The following FOXN3 variants were observed in gnomAD, a reference collection of about 807,000 sequenced individuals.
FOXN3 encodes forkhead box N3, also known as forkhead box protein N3.
Under a neutral mutation model 38.4 loss-of-function variants are expected in FOXN3, and 7 were observed. That is an observed-to-expected ratio of 0.18 (90% CI 0.10 to 0.34). FOXN3 has a LOEUF of 0.34. Ranked by LOEUF, FOXN3 falls within the 10% of genes least tolerant of loss-of-function variation. The probability of loss-of-function intolerance (pLI) is 1.00; values close to 1 mark genes in which losing one functional copy is unlikely to be tolerated. For synonymous variants in FOXN3, 230 were observed against 242.2 expected (o/e 0.95, Z 0.47); for missense variants, 456 against 613.4 (o/e 0.74, Z 2.71).
intron 1 of FOXN3, among the ~76,000 whole-genome samples, chr14:89,480,388 A>G (rs1893301967): frequency 6.8e-6 from 1 of 148,094 alleles, no homozygotes; most frequent in Admixed American, 6.9e-5. Flanking sequence ...GGGCAAGAAG[A>G]GCAAAACTCT....
chr14:89,262,307 G>A (rs557272727), intron 4 of FOXN3, among the ~76,000 whole-genome samples: 1 of 152,150 alleles, frequency 6.6e-6, no homozygotes, highest in East Asian at 1.9e-4. Context: ...AAACCTCCTC[G>A]TTCTAAAATG....
chr14:89,320,878 G>A (rs1887876035), intron 3 of FOXN3, among the ~76,000 whole-genome samples: 2 of 152,176 alleles, frequency 1.3e-5, no homozygotes, highest in South Asian at 4.1e-4. Context: ...AACACAAACG[G>A]CAGACAGCAT....
intron 5 of FOXN3, among the ~76,000 whole-genome samples, chr14:89,166,266 A>G (rs1387007168): frequency 1.3e-5 from 2 of 152,214 alleles, no homozygotes; most frequent in East Asian, 1.9e-4. Flanking sequence ...CAGGGAGATT[A>G]GCAGCATTAA....
intron 1 of FOXN3, among the ~76,000 whole-genome samples, chr14:89,560,896 C>T (rs1229716365): frequency 6.6e-6 from 1 of 152,128 alleles, no homozygotes; most frequent in Non-Finnish European, 1.5e-5. Context: ...AGATATAGCC[C>T]CAGTAGAGGT....
intron 4 of FOXN3, among the ~76,000 whole-genome samples, chr14:89,204,323 C>T: frequency 6.6e-6 from 1 of 152,110 alleles, no homozygotes; most frequent in Non-Finnish European, 1.5e-5. Flanking sequence ...GCTGGGCTGC[C>T]CTCCTCAGCT....
intron 5 of FOXN3, among the ~76,000 whole-genome samples, chr14:89,179,021 A>G (rs1887596685): frequency 6.6e-6 from 1 of 152,246 alleles, no homozygotes; most frequent in African/African-American, 2.4e-5. Flanking sequence ...AGAATGAAAA[A>G]CAGAGTATGT....
At chr14:89,425,827 G>C (rs1277834272) in intron 1 of FOXN3, among the ~76,000 whole-genome samples, 1 of 152,096 alleles carries the variant, frequency 6.6e-6, no homozygotes, top group Non-Finnish European at 1.5e-5. Flanking sequence ...TAATTTTACT[G>C]ATATATTATC....
At chr14:89,438,845 C>T (rs1380182489) in intron 1 of FOXN3, among the ~76,000 whole-genome samples, 2 of 151,970 alleles carry the variant, frequency 1.3e-5, no homozygotes, top group East Asian at 3.9e-4. Context: ...CCCACTGCAA[C>T]CTCCGCCTCC....
intron 3 of FOXN3, among the ~76,000 whole-genome samples, chr14:89,345,111 C>T (rs1280996003): frequency 1.3e-5 from 2 of 152,142 alleles, no homozygotes; most frequent in Admixed American, 6.6e-5. Context: ...CTACAAAGCA[C>T]AGTGGAGTGC....
At chr14:89,199,051 A>G (rs530692622) in intron 4 of FOXN3, among the ~76,000 whole-genome samples, 5 of 152,380 alleles carry the variant, frequency 3.3e-5, no homozygotes, top group East Asian at 1.9e-4. Context: ...CAAGATATCT[A>G]TAACAGCCGC....
intron 1 of FOXN3, among the ~76,000 whole-genome samples, chr14:89,413,475 A>T (rs904644815): frequency 6.6e-6 from 1 of 151,954 alleles, no homozygotes; most frequent in African/African-American, 2.4e-5. Flanking sequence ...CTCTATGAAA[A>T]ATACAAAAAT....
At chr14:89,540,345 G>C (rs1479871899) in intron 1 of FOXN3, among the ~76,000 whole-genome samples, 1 of 152,140 alleles carries the variant, frequency 6.6e-6, no homozygotes, top group Non-Finnish European at 1.5e-5. Context: ...GCTTAACATA[G>C]ACCTAAAACT....
In FOXN3 at chr14:89,156,560, G is replaced by GGTCT. The variant is rs1886984581; in HGVS notation, c.*5850_*5853dup. 6.6e-6 allele frequency: 1 copy of GGTCT among 151,602 alleles called. No homozygotes were observed. The highest frequency in any genetic ancestry group is 1.5e-5 in the Non-Finnish European group (1 of 67,966). 9.4% of individuals were successfully genotyped at this position (151,602 alleles called of 1,614,324 possible). A position where few individuals can be genotyped will look rare whatever the true frequency, so the allele number is the denominator to read the frequency against. On this transcript the variant is annotated 3_prime_UTR_variant, in exon 6 of 6. Transcript: ENST00000557258. The stretch of plus-strand genomic sequence containing the variant: ...TCTCGTAAATTAATTTGGCCGTGTA[G>GGTCT]GTCTATTGGCCAGCCAAGGTCAGAC...
intron 2 of FOXN3, among the ~76,000 whole-genome samples, chr14:89,399,641 T>C (rs1891195173): frequency 6.6e-6 from 1 of 152,192 alleles, no homozygotes; most frequent in Non-Finnish European, 1.5e-5. Context: ...TTGTAATCTA[T>C]TTCAACTGAC....
intron 1 of FOXN3, among the ~76,000 whole-genome samples, chr14:89,541,203 T>C (rs796727343): frequency 1.3e-5 from 2 of 152,304 alleles, no homozygotes; most frequent in African/African-American, 4.8e-5. Flanking sequence ...ACACATCATG[T>C]GGGTGGTGCT....
At chr14:89,460,817 G>A (rs1231480963) in intron 1 of FOXN3, among the ~76,000 whole-genome samples, 1 of 146,782 alleles carries the variant, frequency 6.8e-6, no homozygotes, top group Non-Finnish European at 1.5e-5. Context: ...GATCACCTGA[G>A]GTTGGAGTTC....
At chr14:89,337,252 ATGGGATCAAAGTGCGACAGGGAGAT>A (rs1218559397) in intron 3 of FOXN3, among the ~76,000 whole-genome samples, 1 of 152,176 alleles carries the variant, frequency 6.6e-6, no homozygotes, top group African/African-American at 2.4e-5. Context: ...CTTTCTTCCT[ATGGGATCAAAGTGCGACAGGGAGAT>A]TTCCTGGGAG....
At chr14:89,539,889 T>A (rs1894762768) in intron 1 of FOXN3, among the ~76,000 whole-genome samples, 1 of 152,084 alleles carries the variant, frequency 6.6e-6, no homozygotes, top group South Asian at 2.1e-4. Flanking sequence ...ATAGGCTGCA[T>A]GAGAAAAGAA....
intron 4 of FOXN3, among the ~76,000 whole-genome samples, chr14:89,254,276 C>T (rs759326054): frequency 2.0e-5 from 3 of 152,338 alleles, no homozygotes; most frequent in Middle Eastern, 6.8e-3. Context: ...CCACCATCAT[C>T]GCCATGCTAT....
Sources: gnomAD v4.1 joint callset for allele counts (sites outside exome capture counted in the v4.1 genomes callset) on GRCh38, gnomAD v4.1.1 for gene constraint, MANE v1.5 for transcripts, NCBI Gene and HGNC (gene_info 2026-07-23, HGNC 2026-07-21) for gene names.